PLXNA4: variants seen among roughly 807,000 people sequenced by gnomAD.
PLXNA4 encodes plexin-A4.
A neutral mutation model predicts 191.8 loss-of-function variants in PLXNA4; 44 were observed. The ratio of observed to expected loss-of-function variants is 0.23; its 90% confidence interval spans 0.18 to 0.29. The LOEUF (loss-of-function observed/expected upper bound fraction) is 0.29. PLXNA4 is among the 10% of genes least tolerant of loss of function. PLXNA4 has a pLI of 1.00. For missense variants in PLXNA4, 1,800 were observed against 2,488.8 expected, an observed-to-expected ratio of 0.72 and a Z score of 5.89; for synonymous variants, 1,082 against 1,009.5, an observed-to-expected ratio of 1.07 and a Z score of -1.36.
chr7:132,302,674 A>G (rs1276749889), intron 3 of PLXNA4, among the ~76,000 whole-genome samples: 1 of 151,252 alleles, frequency 6.6e-6, no homozygotes, highest in African/African-American at 2.4e-5. Context: ...GATCACATTC[A>G]GTTCACCGCT....
chr7:132,499,018 C>G (rs990673366), intron 2 of PLXNA4, among the ~76,000 whole-genome samples: 7 of 152,244 alleles, frequency 4.6e-5, no homozygotes, highest in Admixed American at 6.5e-5. Flanking sequence ...AACAAGCTAT[C>G]CTTCTAATAG....
intron 3 of PLXNA4, among the ~76,000 whole-genome samples, chr7:132,357,498 G>A (rs1157728165): frequency 6.6e-6 from 1 of 152,176 alleles, no homozygotes; most frequent in African/African-American, 2.4e-5. Flanking sequence ...TAGTGCAATA[G>A]TTTGGTCCTG....
rs528855610 is a variant in PLXNA4, at chr7:132,463,846, A to G, written c.1371+25446T>C. Among the ~76,000 whole-genome samples the G allele has an allele frequency of 1.2e-4, 19 of 152,292 alleles. No homozygotes were observed. The South Asian group carries it at 3.9e-3, about 32-fold the overall frequency. On this transcript the variant is annotated intron_variant, in intron 3 of 31. Transcript: ENST00000321063. Reference sequence around the variant, plus strand: ...TTCCAGTCCAGCATCAGTGGATAAAACAGAACTAAATTCATCGCTATTCCA... The same window carrying G: ...TTCCAGTCCAGCATCAGTGGATAAAGCAGAACTAAATTCATCGCTATTCCA...
At position 132,127,937 on chromosome 7, in the gene PLXNA4, A is replaced by ATAAG. The variant is rs750051623; in HGVS notation, c.*2538_*2541dup. On this transcript the variant is annotated 3_prime_UTR_variant, in exon 32 of 32. Transcript: ENST00000321063. ...AAATAAAAGCTTCAGCAGAACCGTG[A>ATAAG]TAAGTCTTTTTTCTTTTTTTTTTCT... 20 of 148,562 alleles carry ATAAG rather than the reference A, an allele frequency of 1.3e-4. No individual in the cohort carries two copies. Among genetic ancestry groups the ATAAG allele is most frequent in the East Asian group, 7.8e-4 (4 of 5,140 alleles). The allele number at this position is 148,562 out of a possible 1,614,324, so 9.2% of individuals were successfully genotyped here. A position where few individuals can be genotyped will look rare whatever the true frequency, so the allele number is the denominator to read the frequency against.
chr7:132,210,492 C>A (rs1434838038), intron 10 of PLXNA4, among the ~76,000 whole-genome samples: 2 of 152,202 alleles, frequency 1.3e-5, no homozygotes, highest in Non-Finnish European at 2.9e-5. Context: ...GTCTCAGAAG[C>A]CTTCTCTGCT....
intron 2 of PLXNA4, among the ~76,000 whole-genome samples, chr7:132,640,949 T>A (rs1803731451): frequency 6.6e-6 from 1 of 152,240 alleles, no homozygotes; most frequent in Non-Finnish European, 1.5e-5. Flanking sequence ...TAAAACTTCT[T>A]ATTCAGTGTC....
At chr7:132,158,261 G>T (rs1200085521) in intron 25 of PLXNA4, among the ~76,000 whole-genome samples, 2 of 152,212 alleles carry the variant, frequency 1.3e-5, no homozygotes, top group Non-Finnish European at 2.9e-5. Context: ...GAGGGAGTGG[G>T]GTGAGGCAGT....
rs79554024 is a variant in PLXNA4, at chr7:132,173,929, C to T, written c.4017+849G>A. ...GCCTGAGCTCAAATCTTCCTTTGGC[C>T]GCCACCAGCTGTGTGGTCCCAGGCA... On this transcript the variant is annotated intron_variant, in intron 21 of 31. Coordinates refer to ENST00000321063, the MANE Select transcript of PLXNA4 (RefSeq NM_020911.2). 4.5e-3 allele frequency among the ~76,000 whole-genome samples: 678 copies of T among 152,246 alleles called. 3 individuals carry two copies. The highest frequency in any genetic ancestry group is 0.014 in the African/African-American group (580 of 41,540).
intron 3 of PLXNA4, among the ~76,000 whole-genome samples, chr7:132,344,827 T>C (rs1475390868): frequency 1.3e-5 from 2 of 152,310 alleles, no homozygotes; most frequent in East Asian, 3.9e-4. Flanking sequence ...TAGGGAATAA[T>C]AACATCTGCA....
intron 4 of PLXNA4, among the ~76,000 whole-genome samples, chr7:132,243,267 T>G (rs1798940396): frequency 6.6e-6 from 1 of 152,244 alleles, no homozygotes; most frequent in Admixed American, 6.5e-5. Flanking sequence ...ATGTTCCAGC[T>G]GCTTGTCTAG....
intron 13 of PLXNA4, among the ~76,000 whole-genome samples, chr7:132,195,111 G>A (rs1345763311): frequency 6.6e-6 from 1 of 152,056 alleles, no homozygotes; most frequent in Admixed American, 6.5e-5. Context: ...AGGCACACAT[G>A]AACATAAATG....
intron 3 of PLXNA4, among the ~76,000 whole-genome samples, chr7:132,475,962 T>G (rs541052058): frequency 4.6e-5 from 7 of 152,180 alleles, no homozygotes; most frequent in Admixed American, 1.3e-4. Context: ...AGAGAGAACA[T>G]GAGGGAGGTG....
At chr7:132,626,682 A>G (rs1803381776) in intron 2 of PLXNA4, among the ~76,000 whole-genome samples, 1 of 152,160 alleles carries the variant, frequency 6.6e-6, no homozygotes, top group South Asian at 2.1e-4. Flanking sequence ...CCATGAGCCA[A>G]TTAAACCTCT....
Position 132,145,380 on chromosome 7 carries a change from G to A in PLXNA4, c.5056-92C>T. ...TGCCTCACAGACCTAGGCAGGGGAG[G>A]ATGGTATACAGCCCACCCTACTTGG... On this transcript the variant is annotated intron_variant, in intron 28 of 31. Transcript: ENST00000321063. 4 of 1,564,012 alleles carry A rather than the reference G, an allele frequency of 2.6e-6. No homozygotes were observed. In the South Asian group the frequency reaches 3.5e-5, roughly 14 times the overall value.
chr7:132,621,628 T>A (rs1003414481), intron 2 of PLXNA4, among the ~76,000 whole-genome samples: 2 of 152,166 alleles, frequency 1.3e-5, no homozygotes, highest in Admixed American at 1.3e-4. Context: ...TGGGCAAGTG[T>A]TACTCTAGGA....
At chr7:132,563,658 C>A (rs1801500213) in intron 1 of PLXNA4, among the ~76,000 whole-genome samples, 1 of 127,580 alleles carries the variant, frequency 7.8e-6, no homozygotes, top group African/African-American at 3.0e-5. Flanking sequence ...TTCTCCTCTT[C>A]CTCCTCCTTC....
chr7:132,271,351 G>T (rs1219085861), intron 4 of PLXNA4: 1 of 147,418 alleles, frequency 6.8e-6, no homozygotes, highest in Non-Finnish European at 1.5e-5. Context: ...TAAAAACCAT[G>T]ACCATCACAA....
chr7:132,364,687 G>A (rs754274263), intron 3 of PLXNA4, among the ~76,000 whole-genome samples: 9 of 152,132 alleles, frequency 5.9e-5, no homozygotes, highest in Non-Finnish European at 1.2e-4. Flanking sequence ...TACCCATTCC[G>A]TGGTCTTGCT....
chr7:132,319,556 A>G (rs1802084561), intron 3 of PLXNA4, among the ~76,000 whole-genome samples: 1 of 152,026 alleles, frequency 6.6e-6, no homozygotes, highest in African/African-American at 2.4e-5. Context: ...CTTGTAATTT[A>G]TAATTCTCTC....
Sources: gnomAD v4.1 joint callset for allele counts (sites outside exome capture counted in the v4.1 genomes callset) on GRCh38, gnomAD v4.1.1 for gene constraint, MANE v1.5 for transcripts, NCBI Gene and HGNC (gene_info 2026-07-23, HGNC 2026-07-21) for gene names.